KDM1B: variants seen among roughly 807,000 people sequenced by gnomAD.
KDM1B encodes lysine-specific histone demethylase 2.
In KDM1B, 63 loss-of-function variants were observed where a neutral mutation model predicts 107.4. The observed-to-expected ratio is 0.59, with a 90% CI of 0.48 to 0.72. The LOEUF is 0.72. KDM1B is among the 30% of genes least tolerant of loss of function. The pLI, the probability that KDM1B is intolerant of heterozygous loss-of-function variation, is 0.00. For missense variants in KDM1B, 749 were observed against 1,020.8 expected (o/e 0.73, Z 3.63); for synonymous variants, 363 against 363.9 (o/e 1.00, Z 0.03).
chr6:18,192,738 C>CA (rs534083654), intron 10 of KDM1B, among the ~76,000 whole-genome samples: 7,626 of 125,092 alleles, frequency 0.061, 568 homozygotes, highest in African/African-American at 0.18. Context: ...GATCCCGTCT[C>CA]AAAAAAAAAA....
intron 2 of KDM1B, among the ~76,000 whole-genome samples, chr6:18,158,102 C>T (rs139234580): frequency 0.029 from 4,353 of 151,980 alleles, 104 homozygotes; most frequent in Non-Finnish European, 0.039. Context: ...CGTGAGCCAC[C>T]GCGCTGGCCG....
chr6:18,215,152 T>C, intron 20 of KDM1B, 23 bp downstream of exon 20: 1 of 1,604,908 alleles, frequency 6.2e-7, no homozygotes, highest in Non-Finnish European at 8.5e-7. Context: ...AAGCCCTCCT[T>C]GAAAGGGGCA....
intron 6 of KDM1B, among the ~76,000 whole-genome samples, chr6:18,168,170 G>A (rs1416548746): frequency 6.6e-6 from 1 of 152,148 alleles, no homozygotes; most frequent in Non-Finnish European, 1.5e-5. Context: ...TTTAAATTGT[G>A]CAGTTCAGTG....
At chr6:18,194,846 T>G (rs1037068454) in intron 10 of KDM1B, among the ~76,000 whole-genome samples, 1 of 152,096 alleles carries the variant, frequency 6.6e-6, no homozygotes, top group Non-Finnish European at 1.5e-5. Flanking sequence ...TCAGTGGCAT[T>G]AAATACATAT....
At chr6:18,219,044 A>G (rs1789465552) in intron 21 of KDM1B, among the ~76,000 whole-genome samples, 1 of 152,092 alleles carries the variant, frequency 6.6e-6, no homozygotes, top group Admixed American at 6.5e-5. Flanking sequence ...CTGGGACCAC[A>G]GGCGCCCGCC....
intron 7 of KDM1B, among the ~76,000 whole-genome samples, chr6:18,178,382 G>A (rs11970773): frequency 0.68 from 101,962 of 150,954 alleles, 35,856 homozygotes; most frequent in East Asian, 0.8. Flanking sequence ...CACCGCACCC[G>A]GCCTATTTTT....
chr6:18,166,085 A>G (rs1318284330), intron 5 of KDM1B, among the ~76,000 whole-genome samples, 182 bp from the exon 6 acceptor site: 1 of 152,202 alleles, frequency 6.6e-6, no homozygotes, highest in Non-Finnish European at 1.5e-5. Flanking sequence ...ACTAAAACTG[A>G]CAAGAATATA....
chr6:18,198,354 ATCT>A (rs886354270), intron 12 of KDM1B, among the ~76,000 whole-genome samples: 3 of 149,536 alleles, frequency 2.0e-5, no homozygotes, highest in African/African-American at 7.6e-5. Context: ...TTTTTTTTAA[ATCT>A]ATTTATTTAT....
intron 7 of KDM1B, 64 bp downstream of exon 7, chr6:18,171,543 G>A (rs1018743861): frequency 1.6e-5 from 14 of 886,806 alleles, no homozygotes; most frequent in Non-Finnish European, 2.7e-5. Context: ...TAGTAATGGT[G>A]TATATGTTTT....
In KDM1B at chr6:18,223,176, T is replaced by C. The variant is rs553804542; in HGVS notation, c.*1184T>C. On this transcript the variant is annotated 3_prime_UTR_variant, in exon 22 of 22. Coordinates refer to ENST00000650836, the MANE Select transcript of KDM1B (RefSeq NM_001364614.2). ...ATGCTTTTGTTTTTGAACAATAATA[T>C]ACTGGTTTGCTTTAAAGAAGGGACT... The C allele has an allele frequency of 1.3e-5, 2 of 152,692 alleles. No individual in the cohort carries two copies. Among genetic ancestry groups the C allele is most frequent in the South Asian group, 2.1e-4 (1 of 4,824 alleles). The allele number at this position is 152,692 out of a possible 1,614,324, so 9.5% of individuals were successfully genotyped here. A position where few individuals can be genotyped will look rare whatever the true frequency, so the allele number is the denominator to read the frequency against.
At chr6:18,177,104 T>G (rs1314903923) in intron 7 of KDM1B, among the ~76,000 whole-genome samples, 1 of 152,220 alleles carries the variant, frequency 6.6e-6, no homozygotes, top group African/African-American at 2.4e-5. Flanking sequence ...CCTGGACTTT[T>G]TTTGTTGGTA....
At chr6:18,202,914 A>G (rs1788135289) in intron 14 of KDM1B, among the ~76,000 whole-genome samples, 1 of 152,212 alleles carries the variant, frequency 6.6e-6, no homozygotes, top group Non-Finnish European at 1.5e-5. Flanking sequence ...GGGATCATTT[A>G]ATCAAATGTT....
In KDM1B at chr6:18,204,984, A is replaced by G. The variant is rs1449089201; in HGVS notation, c.1532-553A>G. Among the ~76,000 whole-genome samples, 1 of 152,230 alleles carries G rather than the reference A, an allele frequency of 6.6e-6. No homozygotes were observed. On this transcript the variant is annotated intron_variant, in intron 14 of 21. Transcript: ENST00000650836. This position sits in a 1 kb window ranked among gnomAD's most constrained non-coding sequence, Gnocchi z 4.9. ...TGGCTGTGGTTGGGGAATTTATTAC[A>G]TAGGCAACCAGTAATTGTAGATATG...
Position 18,208,185 on chromosome 6 carries a change from C to T in KDM1B, c.1845C>T (p.Gly615=). 6.2e-7 allele frequency: 1 copy of T among 1,613,306 alleles called. No individual in the cohort carries two copies. The highest frequency in any genetic ancestry group is 8.5e-7 in the Non-Finnish European group (1 of 1,179,416). Residue 615 remains glycine (G), a synonymous_variant, in exon 17 of 22, where the codon GGC becomes GGT. Coordinates refer to ENST00000650836, the MANE Select transcript of KDM1B (RefSeq NM_001364614.2). ...GDEVQVTTTD[G]TGYSAQKVLV... is the part of the protein sequence containing the mutation. ...AAGTGCAGGTTACCACTACAGATGG[C>T]ACAGGGTATTCTGCACAAAAGGTAA...
At chr6:18,184,187 A>G (rs925120396) in intron 7 of KDM1B, among the ~76,000 whole-genome samples, 8 of 151,804 alleles carry the variant, frequency 5.3e-5, no homozygotes, top group African/African-American at 1.9e-4. Context: ...TCTGACTTAC[A>G]ATCATATAGT....
In KDM1B at chr6:18,212,502, A is replaced by C. The variant is rs116411594; in HGVS notation, c.1881A>C (p.Val627=). ...GYSAQKVLVT[V]PLALLQKGAI... ...ATTTTCCACAGGTATTAGTCACTGTACCACTGGCTTTACTACAGAAAGGTG... is the reference window on the plus strand; with the variant it reads ...ATTTTCCACAGGTATTAGTCACTGTCCCACTGGCTTTACTACAGAAAGGTG... The change falls in exon 18 of 22, where the codon GTA becomes GTC. Residue 627 remains valine, a synonymous_variant. Coordinates refer to ENST00000650836, the MANE Select transcript of KDM1B (RefSeq NM_001364614.2). The surrounding 1 kb of genome is among the most constrained non-coding windows in gnomAD (Gnocchi z 5.2). 883 of 1,610,428 alleles carry C rather than the reference A, an allele frequency of 5.5e-4. 7 individuals are homozygous for C. The African/African-American group carries it at 0.01, about 19-fold the overall frequency.
intron 21 of KDM1B, among the ~76,000 whole-genome samples, chr6:18,220,723 A>G (rs1250315086): frequency 6.6e-6 from 1 of 151,130 alleles, no homozygotes; most frequent in African/African-American, 2.4e-5. Flanking sequence ...CATGGCTTAG[A>G]TGGCTTCTTG....
At chr6:18,185,977 T>C (rs1786826153) in intron 8 of KDM1B, among the ~76,000 whole-genome samples, 167 bp downstream of exon 8, 1 of 152,224 alleles carries the variant, frequency 6.6e-6, no homozygotes, top group Admixed American at 6.5e-5. Context: ...GCAATAGTGA[T>C]ATTATGGGTA....
intron 12 of KDM1B, among the ~76,000 whole-genome samples, chr6:18,198,895 C>T (rs529879599): frequency 1.8e-4 from 27 of 147,048 alleles, no homozygotes; most frequent in African/African-American, 6.5e-4. Context: ...GGGCTGGGCA[C>T]AGTGGCTCAG....
Sources: allele counts gnomAD v4.1 joint callset (sites outside exome capture counted in the v4.1 genomes callset), GRCh38; gene constraint gnomAD v4.1.1; non-coding constraint Gnocchi (gnomAD v3.1); transcripts MANE v1.5; gene names NCBI Gene and HGNC (gene_info 2026-07-23, HGNC 2026-07-21).